The following LZTS3 variants were observed in gnomAD, a reference collection of about 807,000 sequenced individuals.
LZTS3 encodes the protein leucine zipper putative tumor suppressor 3.
In LZTS3, 16 loss-of-function variants were observed where a neutral mutation model predicts 50.9. That is an observed-to-expected ratio of 0.31 (90% CI 0.21 to 0.48). The LOEUF (loss-of-function observed/expected upper bound fraction) is 0.48. LZTS3 is among the 20% of genes least tolerant of loss of function. The probability of loss-of-function intolerance (pLI) is 0.99; values close to 1 mark genes in which losing one functional copy is unlikely to be tolerated. For missense variants in LZTS3, 816 were observed against 931.0 expected (o/e 0.88, Z 1.61); for synonymous variants, 408 against 410.6 (o/e 0.99, Z 0.08).
chr20:3,167,050 G>A lies in LZTS3; in HGVS notation c.114C>T (p.Gly38=). The A allele has an allele frequency of 6.4e-7, 1 of 1,570,352 alleles. No individual in the cohort carries two copies. The highest frequency in any genetic ancestry group is 8.6e-7 in the Non-Finnish European group (1 of 1,161,378). The change falls in exon 3 of 5, where the codon GGC becomes GGT. Residue 38 remains glycine (G), a synonymous_variant. Coordinates refer to ENST00000337576, the MANE Select transcript of LZTS3 (RefSeq NM_001365618.1). The part of the protein sequence containing the change: ...LGPPDPRLAM[G]SVGSGVAHAQ... ...CATGGGCCACCCCACTGCCCACGCT[G>A]CCCATGGCCAGGCGGGGGTCCGGGG...
chr20:3,165,062 C>T lies in LZTS3; in HGVS notation c.1414G>A (p.Gly472Arg). Residue 472 changes from glycine (G) to arginine (R), a missense_variant, in exon 5 of 5, where the codon GGA (glycine) becomes AGA (arginine). Gly to Arg is a moderately radical substitution (Grantham distance 125). Around this residue, in one of 3 missense-constraint regions of LZTS3, gnomAD observed 700 missense variants for 769.4 expected, o/e 0.91. Coordinates refer to ENST00000337576, the MANE Select transcript of LZTS3 (RefSeq NM_001365618.1). This position sits in a 1 kb window ranked among gnomAD's most constrained non-coding sequence, Gnocchi z 5.0. ...CCCTCCCGCAGCTGCGAGCGCAGTC[C>T]CACGATCTCACTCAACTTCTGCGAC... ...DVSQKLSEIV[G>R]LRSQLREGRA... 2 of 1,586,128 alleles carry T rather than the reference C, an allele frequency of 1.3e-6. No homozygotes were observed. The highest frequency in any genetic ancestry group is 1.1e-5 in the South Asian group (1 of 87,084).
chr20:3,169,748 C>T (rs578145748), intron 1 of LZTS3, among the ~76,000 whole-genome samples: 28 of 151,896 alleles, frequency 1.8e-4, no homozygotes, highest in Non-Finnish European at 1.8e-4. Flanking sequence ...GTGCGGTATG[C>T]ATTCCTGTAA....
rs751659899 is a variant in LZTS3, at chr20:3,166,016, C to T, written c.804G>A (p.Ser268=). 32 of 1,612,722 alleles carry T rather than the reference C, an allele frequency of 2.0e-5. No homozygotes were observed. Among genetic ancestry groups the T allele is most frequent in the South Asian group, 3.3e-5 (3 of 90,960 alleles). ...CGGAGGTCCCCAGGTCCTGGTAGCC[C>T]GACCCCCCACCGCTGCTGCCGCCAC... ...SGSGGSSGGG[S]GYQDLGTSDS... Residue 268 remains serine (S), a synonymous_variant, in exon 4 of 5, where the codon TCG becomes TCA. Transcript: ENST00000337576.
chr20:3,168,859 C>T (rs1345754991), intron 1 of LZTS3, among the ~76,000 whole-genome samples: 1 of 152,160 alleles, frequency 6.6e-6, no homozygotes, highest in Non-Finnish European at 1.5e-5. Flanking sequence ...CGTCTTCTAC[C>T]CAGATGCCCA....
rs144338308 is a variant in LZTS3, at chr20:3,164,545, C to G, written c.1931G>C (p.Gly644Ala). 1.8e-4 allele frequency: 289 copies of G among 1,605,672 alleles called. No homozygotes were observed. The highest frequency in any genetic ancestry group is 2.4e-4 in the Non-Finnish European group (279 of 1,176,418). ...ERRLRERGAA[G>A]GASTPTPQHG... is the part of the protein sequence containing the mutation. ...CTGGGGAGTGGGCGTGCTTGCACCCCCTGCGGCCCCGCGCTCCCGCAGCCT... is the reference window on the plus strand; with the variant it reads ...CTGGGGAGTGGGCGTGCTTGCACCCGCTGCGGCCCCGCGCTCCCGCAGCCT... Residue 644 changes from glycine to alanine, a missense_variant, in exon 5 of 5, where the codon GGG becomes GCG. Around this residue, in one of 3 missense-constraint regions of LZTS3, gnomAD observed 107 missense variants for 130.4 expected, o/e 0.82. Transcript: ENST00000337576.
chr20:3,166,020 C>G lies in LZTS3; in HGVS notation c.800G>C (p.Gly267Ala). The change falls in exon 4 of 5, where the codon GGG becomes GCG. Residue 267 changes from glycine (G) to alanine (A), a missense_variant. Transcript: ENST00000337576. ...GGTCCCCAGGTCCTGGTAGCCCGAC[C>G]CCCCACCGCTGCTGCCGCCACTACC... ...GSGSGGSSGG[G>A]SGYQDLGTSD... 6.2e-7 allele frequency: 1 copy of G among 1,612,772 alleles called. No homozygotes were observed. The highest frequency in any genetic ancestry group is 8.5e-7 in the Non-Finnish European group (1 of 1,179,522).
chr20:3,173,394 C>T (rs1339662018), intron 1 of LZTS3, 61 bp downstream of exon 1: 2 of 152,222 alleles, frequency 1.3e-5, no homozygotes, highest in Non-Finnish European at 2.9e-5. Context: ...CCGCGCAGTG[C>T]AGCAGGCACG....
chr20:3,164,907 G>A lies in LZTS3; in HGVS notation c.1569C>T (p.Pro523=). The change falls in exon 5 of 5, where the codon CCC becomes CCT. Residue 523 remains proline, a synonymous_variant. Transcript: ENST00000337576. ...PAACLKPALT[P]VDPAEPQDAL... ...CATCCTGTGGCTCGGCCGGGTCCAC[G>A]GGGGTCAGCGCCGGCTTGAGGCAGG... 2 of 1,549,426 alleles carry A rather than the reference G, an allele frequency of 1.3e-6. No homozygotes were observed. Among genetic ancestry groups the A allele is most frequent in the Non-Finnish European group, 8.7e-7 (1 of 1,153,876 alleles).
intron 1 of LZTS3, among the ~76,000 whole-genome samples, chr20:3,172,539 G>A (rs2066912678): frequency 6.6e-6 from 1 of 152,082 alleles, no homozygotes; most frequent in Admixed American, 6.5e-5. Flanking sequence ...TCAAAGGCTG[G>A]CCTCAGGACA....
chr20:3,168,013 G>C (rs2066855269), intron 1 of LZTS3, 52 bp from the exon 2 acceptor site: 1 of 267,228 alleles, frequency 3.7e-6, no homozygotes, highest in Non-Finnish European at 5.8e-6. Flanking sequence ...CCGCGTGCCA[G>C]GCGCCCCGAG....
In LZTS3 at chr20:3,165,904, C is replaced by T. The variant is rs140477946; in HGVS notation, c.916G>A (p.Gly306Ser). ...HLGSGEGGGGGLPFAACSPPS... is the reference protein window; with the variant it reads ...HLGSGEGGGGSLPFAACSPPS... ...GGTGAGCAGGCCGCGAAAGGCAGGC[C>T]TCCACCTCCGCCCTCCCCAGAGCCC... The change falls in exon 4 of 5, where the codon GGC becomes AGC. Residue 306 changes from glycine to serine, a missense_variant. Gly to Ser is a moderately conservative substitution (Grantham distance 56). Transcript: ENST00000337576. The surrounding 1 kb of genome is among the most constrained non-coding windows in gnomAD (Gnocchi z 5.0). The T allele has an allele frequency of 4.3e-3, 6,869 of 1,609,344 alleles. 68 individuals are homozygous for T. Among genetic ancestry groups the T allele is most frequent in the South Asian group, 0.03 (2,690 of 91,044 alleles).
chr20:3,165,667 C>A lies in LZTS3; in HGVS notation c.1153G>T (p.Ala385Ser). Residue 385 changes from alanine (A) to serine (S), a missense_variant, in exon 4 of 5, where the codon GCC becomes TCC. By Grantham distance (99) the Ala-to-Ser change is moderately conservative. This residue lies in a region of LZTS3 where 700 missense variants were observed against 769.4 expected (regional missense o/e 0.91). Transcript: ENST00000337576. This position sits in a 1 kb window ranked among gnomAD's most constrained non-coding sequence, Gnocchi z 5.0. ...LQQVARRAQR[A>S]QQGLQLQVLR... is the part of the protein sequence containing the mutation. ...ACCTGCAGCTGTAGGCCCTGCTGGG[C>A]GCGCTGGGCACGTCGGGCCACCTGC... 1.3e-6 allele frequency: 2 copies of A among 1,588,766 alleles called. No individual in the cohort carries two copies. Among genetic ancestry groups the A allele is most frequent in the South Asian group, 1.1e-5 (1 of 89,652 alleles).
chr20:3,170,383 G>A (rs1568493128), intron 1 of LZTS3, among the ~76,000 whole-genome samples: 1 of 149,752 alleles, frequency 6.7e-6, no homozygotes. Flanking sequence ...CCCCTACTCA[G>A]GAGGCTGAGG....
rs1413403048 is a variant in LZTS3 at position 3,163,643 on chromosome 20, G to A, written c.*811C>T. On this transcript the variant is annotated 3_prime_UTR_variant, in exon 5 of 5. Transcript: ENST00000337576. This position sits in a 1 kb window ranked among gnomAD's most constrained non-coding sequence, Gnocchi z 5.2. ...AATAGCTGTGTTAGAGCCGGACAGT[G>A]GTCCTGGGTGTGGGGTCAGCCAAGC... 6.6e-6 allele frequency: 1 copy of A among 152,558 alleles called. No homozygotes were observed. Among genetic ancestry groups the A allele is most frequent in the Non-Finnish European group, 1.5e-5 (1 of 68,178 alleles). 9.5% of individuals were successfully genotyped at this position (152,558 alleles called of 1,614,324 possible).
chr20:3,165,560 C>T lies in LZTS3; in HGVS notation c.1260G>A (p.Lys420=). The change falls in exon 4 of 5, where the codon AAG becomes AAA. Residue 420 remains lysine, a synonymous_variant. Transcript: ENST00000337576. This position sits in a 1 kb window ranked among gnomAD's most constrained non-coding sequence, Gnocchi z 5.0. The part of the protein sequence containing the change: ...LMRQREELED[K]VAACQKEQAD... Reference sequence around the variant, plus strand: ...CCTGCTCCTTCTGGCAGGCGGCCACCTTGTCCTCCAGCTCTTCCCGCTGCC... The same window carrying T: ...CCTGCTCCTTCTGGCAGGCGGCCACTTTGTCCTCCAGCTCTTCCCGCTGCC... The T allele has an allele frequency of 1.3e-6, 2 of 1,589,924 alleles. No individual in the cohort carries two copies. Among genetic ancestry groups the T allele is most frequent in the Non-Finnish European group, 1.7e-6 (2 of 1,175,108 alleles).
At position 3,164,643 on chromosome 20, in the gene LZTS3, C is replaced by T. The variant is rs199629710; in HGVS notation, c.1833G>A (p.Lys611=). The change falls in exon 5 of 5, where the codon AAG becomes AAA. Residue 611 remains lysine, a synonymous_variant. Coordinates refer to ENST00000337576, the MANE Select transcript of LZTS3 (RefSeq NM_001365618.1). The stretch of plus-strand genomic sequence containing the variant: ...GCAGCTGCTTCTGGTACTCGATCAC[C>T]TTCTCCTTCTCCTCCAGCCACACGC... ...ERRVWLEEKE[K]VIEYQKQLQL... 42 of 1,613,018 alleles carry T rather than the reference C, an allele frequency of 2.6e-5. No individual in the cohort carries two copies. The highest frequency in any genetic ancestry group is 3.5e-5 in the Non-Finnish European group (41 of 1,179,478).
At chr20:3,169,597 G>T (rs2066877298) in intron 1 of LZTS3, among the ~76,000 whole-genome samples, 1 of 152,104 alleles carries the variant, frequency 6.6e-6, no homozygotes, top group South Asian at 2.1e-4. Context: ...ACTAAATGGA[G>T]GCCAAGCAAG....
chr20:3,164,327 G>T lies in LZTS3; in HGVS notation c.*127C>A. 9.4e-7 allele frequency: 1 copy of T among 1,062,252 alleles called. No homozygotes were observed. The allele number at this position is 1,062,252 out of a possible 1,614,324, so 65.8% of individuals were successfully genotyped here. A position where few individuals can be genotyped will look rare whatever the true frequency, so the allele number is the denominator to read the frequency against. On this transcript the variant is annotated 3_prime_UTR_variant, in exon 5 of 5. Coordinates refer to ENST00000337576, the MANE Select transcript of LZTS3 (RefSeq NM_001365618.1). Reference sequence around the variant, plus strand: ...GTGGGGAGGGAGGAACCTGGTCACAGCTGCTTAGAGAACCTCTTTGGTCTG... The same window carrying T: ...GTGGGGAGGGAGGAACCTGGTCACATCTGCTTAGAGAACCTCTTTGGTCTG...
chr20:3,166,542 A>AC (rs2066824121), intron 3 of LZTS3, among the ~76,000 whole-genome samples, 163 bp downstream of exon 3: 1 of 151,644 alleles, frequency 6.6e-6, no homozygotes, highest in Non-Finnish European at 1.5e-5. Context: ...TCCTTGATCT[A>AC]CCCGCTAGAC....
Sources: gnomAD v4.1 joint callset for allele counts (sites outside exome capture counted in the v4.1 genomes callset) on GRCh38, gnomAD v4.1.1 for gene constraint, gnomAD v4.1.1 regional missense constraint, Gnocchi (gnomAD v3.1) non-coding constraint, MANE v1.5 for transcripts, NCBI Gene and HGNC (gene_info 2026-07-23, HGNC 2026-07-21) for gene names.